Variants in ZSCAN25 observed in about 807,000 individuals in gnomAD.
ZSCAN25 encodes zinc finger and SCAN domain-containing protein 25.
ZSCAN25 carries 27 observed loss-of-function variants against 38.7 expected under a neutral mutation model. The ratio of observed to expected loss-of-function variants is 0.70; its 90% CI spans 0.51 to 0.96. The LOEUF (loss-of-function observed/expected upper bound fraction) is 0.96. Ranked by LOEUF, ZSCAN25 falls within the 40% of genes least tolerant of loss-of-function variation. The pLI, the probability that ZSCAN25 is intolerant of heterozygous loss-of-function variation, is 0.00. For missense variants in ZSCAN25, 637 were observed against 705.9 expected, an observed-to-expected ratio of 0.90 and a Z score of 1.11; for synonymous variants, 273 against 277.7, an observed-to-expected ratio of 0.98 and a Z score of 0.17.
At chr7:99,715,062 A>C in the ZSCAN25 span, among the ~76,000 whole-genome samples, 1 of 152,252 alleles carries the variant, frequency 6.6e-6, no homozygotes, top group Non-Finnish European at 1.5e-5. Context: ...AACACAGTGT[A>C]TCTCTGTCAC....
At chr7:99,681,277 T>G in the ZSCAN25 span, among the ~76,000 whole-genome samples, 2 of 152,226 alleles carry the variant, frequency 1.3e-5, no homozygotes, top group African/African-American at 4.8e-5. Context: ...TGGAGTGATG[T>G]TATCTCTTCA....
intron 5 of ZSCAN25, 198 bp from the exon 6 acceptor site, chr7:99,622,351 G>A: frequency 3.2e-6 from 2 of 615,524 alleles, no homozygotes; most frequent in Admixed American, 2.9e-5. Flanking sequence ...AGACACCCAG[G>A]CCCCAGCTGA....
At chr7:99,638,652 C>T in the ZSCAN25 span, 45 of 1,579,358 alleles carry the variant, frequency 2.8e-5, no homozygotes, top group East Asian at 4.0e-4. Context: ...TTGTGGTCAC[C>T]GACTGGCCCA....
At chr7:99,714,680 C>T in the ZSCAN25 span, 4 of 1,608,944 alleles carry the variant, frequency 2.5e-6, no homozygotes, top group Non-Finnish European at 3.4e-6. Flanking sequence ...AATGGAAAGA[C>T]TTCTGTAGAA....
the ZSCAN25 span, chr7:99,667,186 G>A: frequency 8.8e-6 from 7 of 797,536 alleles, no homozygotes; most frequent in Admixed American, 3.7e-5. Context: ...TGATATTATG[G>A]CAAGCCATAT....
rs2151304719 is a variant in ZSCAN25, at chr7:99,631,679, A to T, written c.*1659A>T. On this transcript the variant is annotated 3_prime_UTR_variant, in exon 8 of 8. Transcript: ENST00000394152. ...ATGGTAATGACTAACACAAAGCTGTATTACTCAGCCCACTTTGAAACGTGG... is the reference window on the plus strand; with the variant it reads ...ATGGTAATGACTAACACAAAGCTGTTTTACTCAGCCCACTTTGAAACGTGG... 1 of 985,172 alleles carries T rather than the reference A, an allele frequency of 1.0e-6. No individual in the cohort carries two copies. Among genetic ancestry groups the T allele is most frequent in the East Asian group, 1.1e-4 (1 of 8,802 alleles). The allele number at this position is 985,172 out of a possible 1,614,324, so 61.0% of individuals were successfully genotyped here.
the ZSCAN25 span, chr7:99,708,895 C>G: frequency 8.0e-6 from 8 of 998,614 alleles, no homozygotes; most frequent in Non-Finnish European, 1.2e-5. Context: ...TGACAATGAT[C>G]AATTTCATGA....
In ZSCAN25 at chr7:99,629,970, C is replaced by T. The variant is rs1162160977; in HGVS notation, c.1585C>T (p.Leu529Phe). 2 of 1,606,306 alleles carry T rather than the reference C, an allele frequency of 1.2e-6. No homozygotes were observed. The highest frequency in any genetic ancestry group is 1.7e-6 in the Non-Finnish European group (2 of 1,175,992). Reference sequence around the variant, plus strand: ...GCGAAGCTTCAACCAGAGGTCCATCCTCAACCGGCACCAGAAGACCCAGCA... The same window carrying T: ...GCGAAGCTTCAACCAGAGGTCCATCTTCAACCGGCACCAGAAGACCCAGCA... Reference protein sequence around the residue: ...CGRSFNQRSILNRHQKTQHRQ... With the variant: ...CGRSFNQRSIFNRHQKTQHRQ... The change falls in exon 8 of 8, where the codon CTC becomes TTC. Residue 529 changes from leucine (L) to phenylalanine (F), a missense_variant. Transcript: ENST00000394152. This position sits in a 1 kb window ranked among gnomAD's most constrained non-coding sequence, Gnocchi z 5.6.
the ZSCAN25 span, among the ~76,000 whole-genome samples, chr7:99,654,087 T>C: frequency 6.7e-6 from 1 of 149,864 alleles, no homozygotes; most frequent in Non-Finnish European, 1.5e-5. Flanking sequence ...GTTTTTGAAT[T>C]TTTTTTTTTA....
chr7:99,729,741 C>T, the ZSCAN25 span, among the ~76,000 whole-genome samples: 7 of 152,140 alleles, frequency 4.6e-5, no homozygotes, highest in East Asian at 9.6e-4. Flanking sequence ...TGGCCCCCTC[C>T]ACTGCTGACA....
At chr7:99,736,912 C>G in the ZSCAN25 span, among the ~76,000 whole-genome samples, 1 of 152,088 alleles carries the variant, frequency 6.6e-6, no homozygotes, top group African/African-American at 2.4e-5. Context: ...CCTAGTGAAG[C>G]AGGAGACAAA....
At chr7:99,624,401 A>T in intron 7 of ZSCAN25, 1 of 574,702 alleles carries the variant, frequency 1.7e-6, no homozygotes, top group South Asian at 2.1e-5. Flanking sequence ...TTCTGGCTGT[A>T]TGGAGACAGG....
At chr7:99,694,750 T>C in the ZSCAN25 span, among the ~76,000 whole-genome samples, 1 of 134,154 alleles carries the variant, frequency 7.5e-6, no homozygotes, top group Non-Finnish European at 1.5e-5. Flanking sequence ...GGAAAGATGA[T>C]CTAAGCCACA....
chr7:99,690,282 T>C, the ZSCAN25 span, among the ~76,000 whole-genome samples: 1 of 152,208 alleles, frequency 6.6e-6, no homozygotes, highest in Non-Finnish European at 1.5e-5. Flanking sequence ...TTACAACTTA[T>C]ACAAAAATTA....
chr7:99,687,887 A>G, the ZSCAN25 span, among the ~76,000 whole-genome samples: 1 of 152,230 alleles, frequency 6.6e-6, no homozygotes, highest in Non-Finnish European at 1.5e-5. Context: ...AAGGGAAAGA[A>G]TTTTCAACCC....
chr7:99,664,040 T>C, the ZSCAN25 span: 1 of 1,601,092 alleles, frequency 6.2e-7, no homozygotes, highest in Non-Finnish European at 8.5e-7. Flanking sequence ...TGGTATCTTT[T>C]GGAAACAGAG....
chr7:99,633,197 T>C (rs1808127564), downstream of ZSCAN25, among the ~76,000 whole-genome samples: 1 of 152,156 alleles, frequency 6.6e-6, no homozygotes, highest in East Asian at 1.9e-4. Flanking sequence ...TGATTTAACA[T>C]ATTTCCCTGC....
At chr7:99,675,630 T>TCCTCC in the ZSCAN25 span, among the ~76,000 whole-genome samples, 1 of 18,618 alleles carries the variant, frequency 5.4e-5, no homozygotes, top group Non-Finnish European at 1.3e-4. Context: ...TCCTTTTCTC[T>TCCTCC]CCTCTCCTCT....
At chr7:99,635,903 C>T (rs182113656), downstream of ZSCAN25, among the ~76,000 whole-genome samples, 1 of 151,848 alleles carries the variant, frequency 6.6e-6, no homozygotes, top group East Asian at 1.9e-4. Flanking sequence ...AAAAATTAGC[C>T]GGGCGTGGTG....
Sources: gnomAD v4.1 joint callset for allele counts (sites outside exome capture counted in the v4.1 genomes callset) on GRCh38, gnomAD v4.1.1 for gene constraint, Gnocchi (gnomAD v3.1) non-coding constraint, MANE v1.5 for transcripts, NCBI Gene and HGNC (gene_info 2026-07-23, HGNC 2026-07-21) for gene names.